The following CLSTN2 variants were observed in gnomAD, a reference collection of about 807,000 sequenced individuals.
CLSTN2 encodes calsyntenin-2.
In CLSTN2, 48 loss-of-function variants were observed where a neutral mutation model predicts 101.2. That is an observed-to-expected ratio of 0.47 (90% confidence interval 0.38 to 0.60). The LOEUF is 0.60. Ranked by LOEUF, CLSTN2 falls within the 20% of genes least tolerant of loss-of-function variation. CLSTN2 has a pLI of 0.00. For synonymous variants in CLSTN2, 481 were observed against 463.6 expected, an observed-to-expected ratio of 1.04 and a Z score of -0.48; for missense variants, 1,160 against 1,238.2, an observed-to-expected ratio of 0.94 and a Z score of 0.95.
intron 2 of CLSTN2, among the ~76,000 whole-genome samples, chr3:140,368,118 G>A (rs918842934): frequency 7.9e-5 from 12 of 152,292 alleles, no homozygotes; most frequent in African/African-American, 2.6e-4. Context: ...CTGTGCACAG[G>A]GAGTGCAGAG....
chr3:140,085,937 C>A (rs1445820160), intron 1 of CLSTN2, among the ~76,000 whole-genome samples: 2 of 152,142 alleles, frequency 1.3e-5, no homozygotes, highest in Non-Finnish European at 2.9e-5. Context: ...AAGTACAGAT[C>A]ACTTGGGGCA....
chr3:140,284,175 CAT>C (rs1380095647), intron 2 of CLSTN2, among the ~76,000 whole-genome samples: 2 of 152,106 alleles, frequency 1.3e-5, no homozygotes, highest in Non-Finnish European at 2.9e-5. Context: ...ACAGCAATGA[CAT>C]GTGAAATCCA....
At chr3:140,138,096 C>T (rs1053097010) in intron 1 of CLSTN2, among the ~76,000 whole-genome samples, 1 of 152,170 alleles carries the variant, frequency 6.6e-6, no homozygotes, top group African/African-American at 2.4e-5. Context: ...TACACTTACC[C>T]TTGCTTAAAG....
At chr3:140,080,205 G>T (rs141709505) in intron 1 of CLSTN2, among the ~76,000 whole-genome samples, 43 of 152,282 alleles carry the variant, frequency 2.8e-4, no homozygotes, top group African/African-American at 1.0e-3. Flanking sequence ...CTGAAGCCCA[G>T]TGAGTGCCCT....
At chr3:140,177,599 G>A (rs560574234) in intron 2 of CLSTN2, among the ~76,000 whole-genome samples, 90 of 152,096 alleles carry the variant, frequency 5.9e-4, no homozygotes, top group Middle Eastern at 3.4e-3. Flanking sequence ...AGACAAGCCT[G>A]GGCAACATAA....
At chr3:140,362,031 C>T (rs1188227276) in intron 2 of CLSTN2, among the ~76,000 whole-genome samples, 2 of 152,062 alleles carry the variant, frequency 1.3e-5, no homozygotes, top group African/African-American at 2.4e-5. Flanking sequence ...AAAGGAATAA[C>T]GAAGTCAAAG....
chr3:140,222,365 G>A (rs930895984), intron 2 of CLSTN2, among the ~76,000 whole-genome samples: 3 of 152,052 alleles, frequency 2.0e-5, no homozygotes, highest in African/African-American at 7.2e-5. Context: ...TAGTTAATTC[G>A]TACAAAAAGA....
intron 2 of CLSTN2, among the ~76,000 whole-genome samples, chr3:140,372,637 A>G (rs1410336337): frequency 1.3e-5 from 2 of 152,164 alleles, no homozygotes; most frequent in African/African-American, 2.4e-5. Context: ...AACTCCATTA[A>G]CATGGAGCTG....
intron 2 of CLSTN2, among the ~76,000 whole-genome samples, chr3:140,258,339 C>T (rs2086620971): frequency 6.6e-6 from 1 of 152,260 alleles, no homozygotes; most frequent in South Asian, 2.1e-4. Context: ...GTGCTTGGGT[C>T]AAATATTTAT....
chr3:140,130,221 C>T (rs2009502242), intron 1 of CLSTN2, among the ~76,000 whole-genome samples: 1 of 152,176 alleles, frequency 6.6e-6, no homozygotes, highest in Admixed American at 6.5e-5. Context: ...TGGAAAGTTC[C>T]ATGACCTCTG....
intron 1 of CLSTN2, among the ~76,000 whole-genome samples, chr3:139,998,289 A>G (rs565337636): frequency 6.9e-6 from 1 of 143,974 alleles, no homozygotes; most frequent in East Asian, 2.1e-4. Context: ...ACATCTCCCA[A>G]CCTCAGTTTT....
At position 140,568,209 on chromosome 3, in the gene CLSTN2, C is replaced by G. The variant is rs1452653258; in HGVS notation, c.*1956C>G. 2.6e-5 allele frequency: 4 copies of G among 152,210 alleles called. No homozygotes were observed. Among genetic ancestry groups the G allele is most frequent in the Non-Finnish European group, 5.9e-5 (4 of 68,044 alleles). The allele number at this position is 152,210 out of a possible 1,614,324, so 9.4% of individuals were successfully genotyped here. On this transcript the variant is annotated 3_prime_UTR_variant, in exon 17 of 17. Transcript: ENST00000458420. ...TGCTGCAAACCTACTATGTGCTAAG[C>G]ATCCTACCAATAGCTGTGAGAAAAA...
chr3:140,263,577 A>G (rs551856701), intron 2 of CLSTN2, among the ~76,000 whole-genome samples: 1 of 152,314 alleles, frequency 6.6e-6, no homozygotes, highest in South Asian at 2.1e-4. Flanking sequence ...ACCAGATTTA[A>G]TGAAACATAT....
intron 2 of CLSTN2, among the ~76,000 whole-genome samples, chr3:140,369,188 A>G (rs2087824515): frequency 6.6e-6 from 1 of 152,218 alleles, no homozygotes; most frequent in Admixed American, 6.5e-5. Flanking sequence ...AGCAACATCT[A>G]AGACCGATTG....
chr3:140,085,830 C>G (rs1207484032), intron 1 of CLSTN2, among the ~76,000 whole-genome samples: 1 of 152,158 alleles, frequency 6.6e-6, no homozygotes, highest in African/African-American at 2.4e-5. Context: ...GAACTGTGAT[C>G]TCAAAACTAT....
At chr3:140,276,384 C>T (rs2086795613) in intron 2 of CLSTN2, among the ~76,000 whole-genome samples, 1 of 152,146 alleles carries the variant, frequency 6.6e-6, no homozygotes, top group South Asian at 2.1e-4. Context: ...CCTTAGAGCC[C>T]ACACCCTTCA....
intron 8 of CLSTN2, among the ~76,000 whole-genome samples, chr3:140,522,194 C>T (rs57854733): frequency 0.061 from 9,241 of 152,272 alleles, 922 homozygotes; most frequent in African/African-American, 0.21. Flanking sequence ...TTCTTCATTC[C>T]CCACAGGTCG....
chr3:140,194,585 C>A lies in CLSTN2; in HGVS notation c.232+18512C>A, dbSNP rs530848829. Among the ~76,000 whole-genome samples the A allele has an allele frequency of 2.0e-5, 3 of 152,202 alleles. No homozygotes were observed. In the South Asian group the frequency reaches 6.2e-4, roughly 32 times the overall value. On this transcript the variant is annotated intron_variant, in intron 2 of 16. Coordinates refer to ENST00000458420, the MANE Select transcript of CLSTN2 (RefSeq NM_022131.3). ...TAATGAGTAATTTTTCTATTGAAAT[C>A]TGGGCAATTTTGTGTTATGCTCTGA...
chr3:140,162,214 G>C (rs1391321755), intron 1 of CLSTN2, among the ~76,000 whole-genome samples: 1 of 152,158 alleles, frequency 6.6e-6, no homozygotes, highest in Non-Finnish European at 1.5e-5. Flanking sequence ...ACCCCTGAAA[G>C]GGTCTCAGAG....
Sources: allele counts gnomAD v4.1 joint callset (sites outside exome capture counted in the v4.1 genomes callset), GRCh38; gene constraint gnomAD v4.1.1; transcripts MANE v1.5; gene names NCBI Gene and HGNC (gene_info 2026-07-23, HGNC 2026-07-21).